The following CDKL5 variants were observed in gnomAD, a reference collection of about 807,000 sequenced individuals.
The protein encoded by CDKL5 is cyclin dependent kinase like 5.
In CDKL5, 8 loss-of-function variants were observed where a neutral mutation model predicts 61.7. The observed-to-expected ratio is 0.13, with a 90% CI of 0.08 to 0.23. The LOEUF (loss-of-function observed/expected upper bound fraction) is 0.23. Ranked by LOEUF, CDKL5 falls within the 10% of genes least tolerant of loss-of-function variation. CDKL5 has a pLI of 1.00. For synonymous variants in CDKL5, 275 were observed against 272.3 expected, an observed-to-expected ratio of 1.01 and a Z score of -0.10; for missense variants, 440 against 734.5, an observed-to-expected ratio of 0.60 and a Z score of 4.63.
At chrX:18,586,277 A>G (rs181940182) in intron 8 of CDKL5, among the ~76,000 whole-genome samples, 1 of 111,738 alleles carries the variant, frequency 8.9e-6, no homozygotes, top group East Asian at 2.8e-4. Context: ...TGGGATGCAT[A>G]GTCCATTTTC....
At chrX:18,518,385 CTTATTTTTTTTTTTT>C (rs1923109980) in intron 3 of CDKL5, among the ~76,000 whole-genome samples, 2 of 22,789 alleles carry the variant, frequency 8.8e-5, no homozygotes, top group African/African-American at 3.0e-4. Flanking sequence ...CTTTTCTTTT[CTTATTTTTTTTTTTT>C]TTTTTTTTTT....
At chrX:18,439,394 G>GGTGTGTGTGTGTGTGTGTGT (rs752724398) in intron 1 of CDKL5, among the ~76,000 whole-genome samples, 1 of 101,896 alleles carries the variant, frequency 9.8e-6, no homozygotes, top group African/African-American at 3.6e-5. Flanking sequence ...TTCCATAATA[G>GGTGTGTGTGTGTGTGTGTGT]GTGTGTGTGT....
rs1393417434 is a variant in CDKL5 at position 18,645,507 on chromosome X, A to G, written c.2714-500A>G. Among the ~76,000 whole-genome samples the G allele has an allele frequency of 3.7e-5, 4 of 106,763 alleles. No homozygotes were observed. In the East Asian group the frequency reaches 1.2e-3, roughly 32 times the overall value. 92.7% of individuals were successfully genotyped at this position (106,763 alleles called of 115,157 possible). A position where few individuals can be genotyped will look rare whatever the true frequency, so the allele number is the denominator to read the frequency against. ...ATCCTTGCATGTGTCCATGCCGGCC[A>G]CCTGAGAACCATCCTGGGCCCCTCC... On this transcript the variant is annotated intron_variant, in intron 19 of 21. Coordinates refer to the CDKL5 transcript ENST00000379989.
chrX:18,605,622 A>G (rs1179171186), intron 12 of CDKL5, among the ~76,000 whole-genome samples: 1 of 112,480 alleles, frequency 8.9e-6, no homozygotes, highest in East Asian at 2.8e-4. Context: ...AAAAAAAACA[A>G]GAAGTAGCAT....
At position 18,460,278 on chromosome X, in the gene CDKL5, G is replaced by T. The variant is rs1352149155; in HGVS notation, c.-163+34583G>T. Among the ~76,000 whole-genome samples the T allele has an allele frequency of 2.7e-5, 3 of 110,504 alleles. No homozygotes were observed. In the East Asian group the frequency reaches 8.6e-4, roughly 32 times the overall value. On this transcript the variant is annotated intron_variant, in intron 1 of 17. Transcript: ENST00000623535. Reference sequence around the variant, plus strand: ...CTGGAGGAAGCGGGGTGCCGTAGGGGGGACCGTACTACACACTTTTAAACA... The same window carrying T: ...CTGGAGGAAGCGGGGTGCCGTAGGGTGGACCGTACTACACACTTTTAAACA...
intron 11 of CDKL5, among the ~76,000 whole-genome samples, chrX:18,600,052 C>G (rs1418406215): frequency 8.9e-6 from 1 of 111,813 alleles, no homozygotes; most frequent in East Asian, 2.8e-4. Context: ...CCTGCCTCAG[C>G]CTTCCTAAGT....
chrX:18,469,603 G>A (rs974535399), intron 1 of CDKL5, among the ~76,000 whole-genome samples: 3 of 104,092 alleles, frequency 2.9e-5, no homozygotes, highest in East Asian at 3.1e-4. Flanking sequence ...AGCCGAGATC[G>A]TGCCATTGCA....
intron 1 of CDKL5, among the ~76,000 whole-genome samples, chrX:18,441,750 C>G (rs1221547450): frequency 9.0e-6 from 1 of 111,525 alleles, no homozygotes. Context: ...AATTTCAGGT[C>G]TCCCCTTCGA....
chrX:18,448,960 A>G (rs1052242642), intron 1 of CDKL5, among the ~76,000 whole-genome samples: 1 of 111,496 alleles, frequency 9.0e-6, no homozygotes, highest in Non-Finnish European at 1.9e-5. Flanking sequence ...GGTTCAAGCA[A>G]TTCTCTGCCT....
chrX:18,626,477 A>G (rs1168845178), intron 17 of CDKL5, among the ~76,000 whole-genome samples: 1 of 110,176 alleles, frequency 9.1e-6, no homozygotes, highest in Non-Finnish European at 1.9e-5. Context: ...TTCTAACATA[A>G]TATAAGCTGG....
At chrX:18,569,146 A>C (rs1925060965) in intron 4 of CDKL5, among the ~76,000 whole-genome samples, 1 of 111,966 alleles carries the variant, frequency 8.9e-6, no homozygotes, top group Non-Finnish European at 1.9e-5. Context: ...TGAGTAATGA[A>C]AAATTTTGTC....
intron 8 of CDKL5, among the ~76,000 whole-genome samples, chrX:18,587,165 G>A (rs763980511): frequency 6.3e-5 from 7 of 110,803 alleles, no homozygotes; most frequent in African/African-American, 2.0e-4. Context: ...GCGTGCACGC[G>A]TGTGTGTGTG....
intron 9 of CDKL5, among the ~76,000 whole-genome samples, chrX:18,590,531 G>A (rs1347945089): frequency 1.8e-5 from 2 of 112,211 alleles, no homozygotes; most frequent in African/African-American, 3.2e-5. Flanking sequence ...TCTAGGCTCA[G>A]TGAATGTGGG....
chrX:18,539,554 T>A (rs764230573), intron 3 of CDKL5, among the ~76,000 whole-genome samples: 2 of 111,968 alleles, frequency 1.8e-5, no homozygotes, highest in South Asian at 7.5e-4. Flanking sequence ...TCGGATTCCA[T>A]TGTGGTCAGA....
At chrX:18,457,384 G>A (rs981008426) in intron 1 of CDKL5, 4 of 111,326 alleles carry the variant, frequency 3.6e-5, no homozygotes, top group Non-Finnish European at 5.7e-5. Context: ...AATCCTAGTC[G>A]GGGATTATTT....
chrX:18,466,302 T>C (rs1212550748), intron 1 of CDKL5, among the ~76,000 whole-genome samples: 1 of 112,237 alleles, frequency 8.9e-6, no homozygotes, highest in East Asian at 2.8e-4. Context: ...TCAATCCCAG[T>C]GAAAGCTAAT....
intron 1 of CDKL5, among the ~76,000 whole-genome samples, chrX:18,444,503 A>G (rs1450396177): frequency 9.0e-6 from 1 of 111,710 alleles, no homozygotes; most frequent in East Asian, 2.8e-4. Context: ...TGTTTTAAAG[A>G]TAGGATCTTG....
chrX:18,506,379 A>G (rs1040888681), intron 1 of CDKL5, among the ~76,000 whole-genome samples: 2 of 110,738 alleles, frequency 1.8e-5, no homozygotes, highest in Admixed American at 9.7e-5. Flanking sequence ...GTGAGTGCAC[A>G]TTTACACAAA....
chrX:18,550,004 T>A (rs982594904), intron 3 of CDKL5, among the ~76,000 whole-genome samples: 2 of 111,438 alleles, frequency 1.8e-5, no homozygotes, highest in Non-Finnish European at 3.8e-5. Context: ...GGTAGCTGGG[T>A]TGAGAGCCAG....
Sources: gnomAD v4.1 joint callset for allele counts (sites outside exome capture counted in the v4.1 genomes callset) on GRCh38, gnomAD v4.1.1 for gene constraint, MANE v1.5 for transcripts, NCBI Gene and HGNC (gene_info 2026-07-23, HGNC 2026-07-21) for gene names.